Variants in ENPP2 observed in about 807,000 individuals in gnomAD.
The protein encoded by ENPP2 is autotaxin.
ENPP2 carries 51 observed loss-of-function variants against 120.2 expected under a neutral mutation model. The ratio of observed to expected loss-of-function variants is 0.42; its 90% CI spans 0.34 to 0.54. The LOEUF is 0.54. ENPP2 is among the 20% of genes least tolerant of loss of function. The pLI is 0.04. For synonymous variants in ENPP2, 365 were observed against 366.4 expected (o/e 1.00, Z 0.04); for missense variants, 920 against 1,066.5 (o/e 0.86, Z 1.91).
intron 3 of ENPP2, among the ~76,000 whole-genome samples, chr8:119,623,163 C>T (rs947743413): frequency 7.2e-5 from 11 of 152,216 alleles, no homozygotes; most frequent in South Asian, 2.1e-4. Flanking sequence ...TAGGTGAATA[C>T]ATTAATAAAG....
intron 17 of ENPP2, 106 bp downstream of exon 17, chr8:119,583,611 G>T: frequency 1.5e-6 from 1 of 652,090 alleles, no homozygotes; most frequent in Non-Finnish European, 2.7e-6. Context: ...GGGAAGAGGA[G>T]GTAGTCCCAG....
chr8:119,630,754 C>T (rs2130799873), intron 2 of ENPP2, among the ~76,000 whole-genome samples: 1 of 152,128 alleles, frequency 6.6e-6, no homozygotes, highest in South Asian at 2.1e-4. Context: ...TTAGGATATA[C>T]CTATGTCAAA....
chr8:119,585,631 A>G (rs548424268), intron 15 of ENPP2, among the ~76,000 whole-genome samples: 1 of 152,230 alleles, frequency 6.6e-6, no homozygotes, highest in Admixed American at 6.5e-5. Flanking sequence ...GCCTCCAGAC[A>G]TGTCCTAGAC....
upstream of ENPP2, among the ~76,000 whole-genome samples, chr8:119,643,029 A>T (rs145178381): frequency 6.6e-6 from 1 of 152,310 alleles, no homozygotes; most frequent in African/African-American, 2.4e-5. Context: ...AATAATCCTA[A>T]GATTATGTAT....
chr8:119,565,823 G>A (rs541293974), intron 22 of ENPP2, among the ~76,000 whole-genome samples: 29 of 152,106 alleles, frequency 1.9e-4, no homozygotes, highest in African/African-American at 6.7e-4. Flanking sequence ...CCATATCGTA[G>A]CCAGACGGAG....
chr8:119,602,073 C>T (rs1814351705), intron 9 of ENPP2, among the ~76,000 whole-genome samples: 1 of 152,138 alleles, frequency 6.6e-6, no homozygotes, highest in East Asian at 1.9e-4. Flanking sequence ...ACTTTAGAAA[C>T]ACTACCTAAC....
intron 1 of ENPP2, among the ~76,000 whole-genome samples, chr8:119,663,441 C>T (rs1162605522): frequency 6.6e-6 from 1 of 152,136 alleles, no homozygotes; most frequent in Non-Finnish European, 1.5e-5. Flanking sequence ...AAAAAGTATA[C>T]ATTGTTTATC....
chr8:119,606,660 T>C (rs374627667), intron 9 of ENPP2, among the ~76,000 whole-genome samples: 2 of 151,896 alleles, frequency 1.3e-5, no homozygotes, highest in East Asian at 1.9e-4. Flanking sequence ...GTGTGCTAGA[T>C]TCAAATCACC....
At chr8:119,585,426 C>T (rs1485610702) in intron 15 of ENPP2, among the ~76,000 whole-genome samples, 1 of 152,146 alleles carries the variant, frequency 6.6e-6, no homozygotes, top group Non-Finnish European at 1.5e-5. Flanking sequence ...TAAATATTTT[C>T]TTGTTATCTT....
chr8:119,619,327 G>A (rs1815715642), intron 4 of ENPP2, 23 bp from the exon 5 acceptor site: 3 of 1,545,716 alleles, frequency 1.9e-6, no homozygotes, highest in South Asian at 1.1e-5. Flanking sequence ...ATGGGTAAAT[G>A]TATTGTTGAA....
rs553177313 is a variant in ENPP2, at chr8:119,567,388, G to T, written c.2131+787C>A. Among the ~76,000 whole-genome samples, 4 of 152,228 alleles carry T rather than the reference G, an allele frequency of 2.6e-5. No homozygotes were observed. The South Asian group carries it at 8.3e-4, about 32-fold the overall frequency. ...GTCAGAAATCCATATAAACCTTAGA[G>T]GTCATGCAATCATATCTCTTAATTT... On this transcript the variant is annotated intron_variant, in intron 22 of 24. Transcript: ENST00000075322.
At chr8:119,566,522 A>G (rs1457790081) in intron 22 of ENPP2, among the ~76,000 whole-genome samples, 1 of 152,228 alleles carries the variant, frequency 6.6e-6, no homozygotes, top group African/African-American at 2.4e-5. Flanking sequence ...GTAAGAAAGG[A>G]GTTCAAACGT....
intron 24 of ENPP2, among the ~76,000 whole-genome samples, chr8:119,561,698 C>T (rs1813944147): frequency 6.6e-6 from 1 of 152,148 alleles, no homozygotes; most frequent in Admixed American, 6.5e-5. Context: ...TCTGTGCTAT[C>T]TGAGAAAACA....
At chr8:119,647,185 C>T (rs1176983559) in intron 1 of ENPP2, among the ~76,000 whole-genome samples, 10 of 151,918 alleles carry the variant, frequency 6.6e-5, no homozygotes, top group Admixed American at 3.3e-4. Flanking sequence ...TTAGTAGAGA[C>T]GAGGTTTCAC....
intron 22 of ENPP2, 81 bp from the exon 23 acceptor site, chr8:119,565,036 G>T (rs1814300198): frequency 4.9e-6 from 6 of 1,234,894 alleles, no homozygotes; most frequent in African/African-American, 1.5e-5. Flanking sequence ...TAGGATGCAT[G>T]CTACGAGCCA....
chr8:119,620,312 A>G (rs1174456059), intron 4 of ENPP2, among the ~76,000 whole-genome samples: 1 of 152,226 alleles, frequency 6.6e-6, no homozygotes, highest in Non-Finnish European at 1.5e-5. Flanking sequence ...CTTACTGCAC[A>G]GGCAAATTAA....
In ENPP2 at chr8:119,619,232, A is replaced by C; in HGVS notation, c.479+12T>G. On this transcript the variant is annotated intron_variant, in intron 5 of 24. Transcript: ENST00000075322. Reference sequence around the variant, plus strand: ...TACATAAAACTTCAAAATAGTCATAAAATACACTTACCCTGCAGGGCATTC... The same window carrying C: ...TACATAAAACTTCAAAATAGTCATACAATACACTTACCCTGCAGGGCATTC... 6.3e-7 allele frequency: 1 copy of C among 1,592,916 alleles called. No homozygotes were observed. Among genetic ancestry groups the C allele is most frequent in the Non-Finnish European group, 8.6e-7 (1 of 1,161,690 alleles).
chr8:119,671,700 T>G (rs578151967), intron 1 of ENPP2, among the ~76,000 whole-genome samples: 29 of 152,064 alleles, frequency 1.9e-4, no homozygotes, highest in Non-Finnish European at 3.7e-4. Flanking sequence ...AACATCAAAG[T>G]AGAGACTGGA....
chr8:119,639,787 G>A (rs187732205), upstream of ENPP2, among the ~76,000 whole-genome samples: 31 of 152,296 alleles, frequency 2.0e-4, no homozygotes, highest in East Asian at 4.4e-3. Context: ...TGTCCTTTGA[G>A]GCTATTGTGG....
Sources: gnomAD v4.1 joint callset for allele counts (sites outside exome capture counted in the v4.1 genomes callset) on GRCh38, gnomAD v4.1.1 for gene constraint, MANE v1.5 for transcripts, NCBI Gene and HGNC (gene_info 2026-07-23, HGNC 2026-07-21) for gene names.